The following FCHSD2 variants were observed in gnomAD, a reference collection of about 807,000 sequenced individuals.
FCHSD2 encodes FCH and double SH3 domains 2, also known as F-BAR and double SH3 domains protein 2.
In FCHSD2, 38 loss-of-function variants were observed where a neutral mutation model predicts 108.1. The observed-to-expected ratio is 0.35, with a 90% CI of 0.27 to 0.46. The LOEUF is 0.46. Among genes scored for constraint, FCHSD2 ranks in the 20% least tolerant of loss-of-function variants. The pLI is 1.00. For missense variants in FCHSD2, 751 were observed against 897.8 expected (o/e 0.84, Z 2.09); for synonymous variants, 279 against 314.7 (o/e 0.89, Z 1.20).
intron 8 of FCHSD2, among the ~76,000 whole-genome samples, chr11:72,952,514 A>G (rs1223042734): frequency 2.0e-5 from 3 of 151,964 alleles, no homozygotes; most frequent in Non-Finnish European, 4.4e-5. Flanking sequence ...TAGTAGAGAC[A>G]AGGTTTCACC....
intron 3 of FCHSD2, among the ~76,000 whole-genome samples, chr11:73,055,570 A>G (rs1859006666): frequency 6.6e-6 from 1 of 152,200 alleles, no homozygotes; most frequent in Non-Finnish European, 1.5e-5. Flanking sequence ...TTTCAAAATA[A>G]TATTTATTTC....
At chr11:72,997,514 C>T (rs902832014) in intron 5 of FCHSD2, among the ~76,000 whole-genome samples, 12 of 151,918 alleles carry the variant, frequency 7.9e-5, no homozygotes, top group African/African-American at 2.4e-4. Context: ...CAAGAAAAAC[C>T]GCAGGCGGTT....
intron 13 of FCHSD2, among the ~76,000 whole-genome samples, chr11:72,854,824 A>T (rs1252398062): frequency 6.6e-6 from 1 of 152,182 alleles, no homozygotes; most frequent in African/African-American, 2.4e-5. Flanking sequence ...AGAAAGTTTT[A>T]CTTTTGCTAG....
At chr11:73,137,992 A>G (rs1861162780) in intron 2 of FCHSD2, among the ~76,000 whole-genome samples, 1 of 152,262 alleles carries the variant, frequency 6.6e-6, no homozygotes, top group Admixed American at 6.5e-5. Context: ...TGTGGAAGAC[A>G]TATTTAAAAG....
intron 10 of FCHSD2, among the ~76,000 whole-genome samples, chr11:72,894,581 GTTAA>G (rs1855382019): frequency 6.6e-6 from 1 of 151,998 alleles, no homozygotes. Flanking sequence ...TTAATATATG[GTTAA>G]TTATTTCAAT....
intron 10 of FCHSD2, among the ~76,000 whole-genome samples, chr11:72,897,630 C>T (rs1246759530): frequency 5.3e-5 from 8 of 152,130 alleles, no homozygotes; most frequent in Non-Finnish European, 1.0e-4. Flanking sequence ...AGCTGAATCA[C>T]AAAAGTTAAA....
chr11:72,881,915 G>A (rs1401808884), intron 12 of FCHSD2, among the ~76,000 whole-genome samples: 2 of 152,192 alleles, frequency 1.3e-5, no homozygotes, highest in Non-Finnish European at 2.9e-5. Flanking sequence ...GCCGAGGGGG[G>A]CGAATCATGA....
rs556611020 is a variant in FCHSD2 at position 72,954,610 on chromosome 11, T to C, written c.705+29478A>G. ...CTTTTAGCTTGAGTAATTCCAAGAATATAGTTGTCATTACTGAAATTGGGA... is the reference window on the plus strand; with the variant it reads ...CTTTTAGCTTGAGTAATTCCAAGAACATAGTTGTCATTACTGAAATTGGGA... On this transcript the variant is annotated intron_variant, in intron 8 of 19. Coordinates refer to ENST00000409418, the MANE Select transcript of FCHSD2 (RefSeq NM_014824.3). Among the ~76,000 whole-genome samples, 6 of 152,182 alleles carry C rather than the reference T, an allele frequency of 3.9e-5. No homozygotes were observed. In the East Asian group the frequency reaches 9.7e-4, roughly 24 times the overall value.
chr11:73,065,111 A>C (rs1859260081), intron 3 of FCHSD2, among the ~76,000 whole-genome samples: 1 of 152,206 alleles, frequency 6.6e-6, no homozygotes, highest in Non-Finnish European at 1.5e-5. Flanking sequence ...ATCCTCAATA[A>C]AACACTGGCA....
intron 6 of FCHSD2, among the ~76,000 whole-genome samples, chr11:72,986,290 A>G (rs1214587667): frequency 6.6e-6 from 1 of 152,094 alleles, no homozygotes; most frequent in Non-Finnish European, 1.5e-5. Flanking sequence ...GCTCACTGCA[A>G]CCTCTGCCTC....
chr11:73,047,822 T>G (rs1046218553), intron 3 of FCHSD2, among the ~76,000 whole-genome samples: 1 of 152,244 alleles, frequency 6.6e-6, no homozygotes, highest in Non-Finnish European at 1.5e-5. Flanking sequence ...AGTAAATATT[T>G]GCTAATGACT....
chr11:72,924,949 T>G (rs928510721), intron 8 of FCHSD2, among the ~76,000 whole-genome samples: 1 of 152,176 alleles, frequency 6.6e-6, no homozygotes, highest in Non-Finnish European at 1.5e-5. Context: ...GATGTAAGGT[T>G]TCTACCTTAG....
chr11:72,842,529 G>A, intron 17 of FCHSD2, 92 bp downstream of exon 17: 2 of 1,505,600 alleles, frequency 1.3e-6, no homozygotes, highest in Admixed American at 1.8e-5. Context: ...GTAAGGCAGA[G>A]ACTGCAGCCC....
At chr11:73,083,078 T>C (rs1254688727) in intron 3 of FCHSD2, among the ~76,000 whole-genome samples, 1 of 152,138 alleles carries the variant, frequency 6.6e-6, no homozygotes, top group African/African-American at 2.4e-5. Context: ...AATTAACCTT[T>C]CATAAACTGC....
chr11:73,029,331 A>G (rs1858304373), intron 3 of FCHSD2, among the ~76,000 whole-genome samples: 1 of 152,170 alleles, frequency 6.6e-6, no homozygotes, highest in Non-Finnish European at 1.5e-5. Flanking sequence ...CAACAATCAC[A>G]CTGCGGCAAG....
chr11:73,100,051 T>C (rs1466332073), intron 2 of FCHSD2, among the ~76,000 whole-genome samples: 1 of 152,182 alleles, frequency 6.6e-6, no homozygotes, highest in African/African-American at 2.4e-5. Flanking sequence ...GAAGGCGTGT[T>C]CTTGGCTTGA....
At chr11:72,983,802 C>T (rs753566911) in intron 8 of FCHSD2, 98 of 511,404 alleles carry the variant, frequency 1.9e-4, no homozygotes, top group Non-Finnish European at 3.4e-4. Flanking sequence ...TCTTACATCA[C>T]TCTTGTATCT....
chr11:73,091,169 T>TA (rs1360941174), intron 2 of FCHSD2, among the ~76,000 whole-genome samples: 4 of 152,234 alleles, frequency 2.6e-5, no homozygotes, highest in African/African-American at 9.6e-5. Flanking sequence ...CATTTATTGA[T>TA]AGACATTTGG....
chr11:73,137,781 C>G (rs1861156975), intron 2 of FCHSD2, among the ~76,000 whole-genome samples: 1 of 152,166 alleles, frequency 6.6e-6, no homozygotes, highest in South Asian at 2.1e-4. Context: ...GTTAGACAAC[C>G]TGACGTCCCG....
Sources: gnomAD v4.1 joint callset for allele counts (sites outside exome capture counted in the v4.1 genomes callset) on GRCh38, gnomAD v4.1.1 for gene constraint, MANE v1.5 for transcripts, NCBI Gene and HGNC (gene_info 2026-07-23, HGNC 2026-07-21) for gene names.